The following TMCO1 variants were observed in gnomAD, a reference collection of about 807,000 sequenced individuals.
TMCO1 encodes the protein transmembrane and coiled-coil domains 1, also known as calcium load-activated calcium channel.
A neutral mutation model predicts 29.3 loss-of-function variants in TMCO1; 29 were observed. The observed-to-expected ratio is 0.99, with a 90% CI of 0.74 to 1.35. The LOEUF is 1.35. Among genes scored for constraint, TMCO1 ranks in the 40% most tolerant of loss-of-function variants. The pLI is 0.00. For synonymous variants in TMCO1, 80 were observed against 77.1 expected (o/e 1.04, Z -0.20); for missense variants, 173 against 225.5 (o/e 0.77, Z 1.49).
At chr1:165,763,657 C>T (rs1652473849) in intron 2 of TMCO1, among the ~76,000 whole-genome samples, 1 of 152,186 alleles carries the variant, frequency 6.6e-6, no homozygotes, top group East Asian at 1.9e-4. Flanking sequence ...TCAACTCTGT[C>T]ACCTAGGCTG....
intron 5 of TMCO1, among the ~76,000 whole-genome samples, chr1:165,750,264 G>T (rs1258150275): frequency 6.6e-6 from 1 of 152,022 alleles, no homozygotes; most frequent in Non-Finnish European, 1.5e-5. Context: ...TCCTGGCCAG[G>T]CGCAATGGCT....
At chr1:165,767,807 A>G (rs564930542) in intron 2 of TMCO1, among the ~76,000 whole-genome samples, 119 of 152,228 alleles carry the variant, frequency 7.8e-4, no homozygotes, top group Non-Finnish European at 1.3e-3. Flanking sequence ...AGTCTCCCAA[A>G]TAGCTGGGAC....
Position 165,762,675 on chromosome 1 carries a change from T to C in TMCO1, c.149-3091A>G, listed in dbSNP as rs10918280. Among the ~76,000 whole-genome samples the C allele has an allele frequency of 7.2e-3, 1,097 of 152,340 alleles. 26 individuals carry two copies. The highest frequency in any genetic ancestry group is 0.05 in the South Asian group (241 of 4,830). On this transcript the variant is annotated intron_variant, in intron 2 of 6. Coordinates refer to ENST00000367881, the MANE Select transcript of TMCO1 (RefSeq NM_019026.6). ...TGACAAAAATAAAAGATGTCTACTA[T>C]GAAACACATTTCTGTCCATGATCTG...
chr1:165,756,598 T>C (rs1486916378), intron 3 of TMCO1, among the ~76,000 whole-genome samples: 2 of 152,122 alleles, frequency 1.3e-5, no homozygotes, highest in Non-Finnish European at 2.9e-5. Flanking sequence ...AAATTAAGAA[T>C]TGGGAACATC....
intron 5 of TMCO1, 32 bp from the exon 6 acceptor site, chr1:165,743,343 T>C (rs1558034371): frequency 1.3e-6 from 2 of 1,598,584 alleles, no homozygotes; most frequent in South Asian, 1.1e-5. Context: ...AGAATTGTTA[T>C]CTTTGGAAGA....
intron 5 of TMCO1, among the ~76,000 whole-genome samples, chr1:165,748,029 A>G (rs1558036297): frequency 1.3e-5 from 2 of 151,892 alleles, no homozygotes; most frequent in Admixed American, 6.6e-5. Context: ...TGTGGGGGCG[A>G]GTCCCTGTAA....
chr1:165,753,064 T>C (rs73022559), intron 4 of TMCO1, among the ~76,000 whole-genome samples: 2,023 of 152,260 alleles, frequency 0.013, 53 homozygotes, highest in African/African-American at 0.047. Context: ...ATCTATGCTT[T>C]AGGAAGATAT....
intron 6 of TMCO1, among the ~76,000 whole-genome samples, chr1:165,730,828 C>T (rs1282550086): frequency 1.3e-5 from 2 of 151,724 alleles, no homozygotes; most frequent in Non-Finnish European, 2.9e-5. Flanking sequence ...TCTTGGGCTC[C>T]AGTGATCTGC....
chr1:165,738,455 C>A (rs1651469439), intron 6 of TMCO1, among the ~76,000 whole-genome samples: 1 of 152,110 alleles, frequency 6.6e-6, no homozygotes, highest in Admixed American at 6.6e-5. Flanking sequence ...TCTTATGTAA[C>A]CTAAGATCTT....
intron 6 of TMCO1, among the ~76,000 whole-genome samples, chr1:165,730,047 C>A (rs1214725855): frequency 6.6e-6 from 1 of 151,796 alleles, no homozygotes; most frequent in Non-Finnish European, 1.5e-5. Flanking sequence ...GACGGCCGGG[C>A]GCGGTGGCTC....
intron 5 of TMCO1, among the ~76,000 whole-genome samples, chr1:165,749,355 T>A (rs972378750): frequency 6.6e-6 from 1 of 152,230 alleles, no homozygotes; most frequent in Non-Finnish European, 1.5e-5. Flanking sequence ...GCCTAAGTTT[T>A]GGGAAGCTAC....
At chr1:165,729,426 C>T (rs1274793773) in intron 6 of TMCO1, among the ~76,000 whole-genome samples, 1 of 151,666 alleles carries the variant, frequency 6.6e-6, no homozygotes, top group African/African-American at 2.4e-5. Flanking sequence ...AGCGATTCTG[C>T]CTGCCTCAGC....
Position 165,768,799 on chromosome 1 carries a change from T to C in TMCO1, c.-48A>G. ...CTCACCCGCCAGGGGGAAAGCGCTC[T>C]ACAGCCAGGAAAAGTGAAGCGAAAA... is the stretch of plus-strand genomic sequence containing the variant. On this transcript the variant is annotated 5_prime_UTR_variant, in exon 1 of 7. Coordinates refer to ENST00000367881, the MANE Select transcript of TMCO1 (RefSeq NM_019026.6). 6.2e-7 allele frequency: 1 copy of C among 1,613,246 alleles called. No homozygotes were observed. The highest frequency in any genetic ancestry group is 8.5e-7 in the Non-Finnish European group (1 of 1,179,624).
chr1:165,768,484 G>C (rs1432628764), intron 1 of TMCO1, 198 bp downstream of exon 1: 1 of 1,542,948 alleles, frequency 6.5e-7, no homozygotes, highest in Non-Finnish European at 8.7e-7. Context: ...AAATCTACCT[G>C]AGACCAAAGA....
At chr1:165,731,981 C>G (rs1007173054) in intron 6 of TMCO1, among the ~76,000 whole-genome samples, 10 of 152,212 alleles carry the variant, frequency 6.6e-5, no homozygotes, top group African/African-American at 2.4e-4. Flanking sequence ...AAATTCTAAA[C>G]TAATCTGTTT....
At chr1:165,761,171 T>TTGTG (rs375747060) in intron 2 of TMCO1, among the ~76,000 whole-genome samples, 1,602 of 150,376 alleles carry the variant, frequency 0.011, 17 homozygotes, top group Middle Eastern at 0.044. Flanking sequence ...TTTTGTGTAT[T>TTGTG]TGTGTGTGTG....
chr1:165,732,388 CAAAAA>C (rs34558487), intron 6 of TMCO1, among the ~76,000 whole-genome samples: 1 of 89,734 alleles, frequency 1.1e-5, no homozygotes. Flanking sequence ...CATAAAGAAG[CAAAAA>C]AAAAAAAAAA....
chr1:165,727,819 G>C lies in TMCO1; in HGVS notation c.*204C>G, dbSNP rs1302511415. The C allele has an allele frequency of 2.0e-6, 1 of 509,064 alleles. No homozygotes were observed. Among genetic ancestry groups the C allele is most frequent in the South Asian group, 1.5e-5 (1 of 64,816 alleles). The allele number at this position is 509,064 out of a possible 1,614,324, so 31.5% of individuals were successfully genotyped here. A position where few individuals can be genotyped will look rare whatever the true frequency, so the allele number is the denominator to read the frequency against. ...ACTTAACTAATCAATCCACTTATTT[G>C]ATAAAAATCATCTAGGACCAAAAGC... is the stretch of plus-strand genomic sequence containing the variant. On this transcript the variant is annotated 3_prime_UTR_variant, in exon 7 of 7. Transcript: ENST00000367881.
chr1:165,757,559 C>T (rs1016872408), intron 3 of TMCO1, among the ~76,000 whole-genome samples: 8 of 152,212 alleles, frequency 5.3e-5, no homozygotes, highest in East Asian at 1.9e-4. Context: ...TACAATGGCG[C>T]GATCTCGGCG....
Sources: gnomAD v4.1 joint callset for allele counts (sites outside exome capture counted in the v4.1 genomes callset) on GRCh38, gnomAD v4.1.1 for gene constraint, MANE v1.5 for transcripts, NCBI Gene and HGNC (gene_info 2026-07-23, HGNC 2026-07-21) for gene names.